ANK2: variants seen among roughly 807,000 people sequenced by gnomAD.
ANK2 encodes the protein ankyrin 2, also known as ankyrin-2.
A neutral mutation model predicts 360.5 loss-of-function variants in ANK2; 83 were observed. The observed-to-expected ratio is 0.23, with a 90% CI of 0.19 to 0.28. The LOEUF is 0.28. Among genes scored for constraint, ANK2 ranks in the 10% least tolerant of loss-of-function variants. ANK2 has a pLI of 1.00. For synonymous variants in ANK2, 1,740 were observed against 1,759.5 expected (o/e 0.99, Z 0.28); for missense variants, 4,201 against 4,795.7 (o/e 0.88, Z 3.66).
intron 1 of ANK2, among the ~76,000 whole-genome samples, chr4:112,880,083 C>A (rs1370387465): frequency 6.6e-6 from 1 of 152,156 alleles, no homozygotes; most frequent in African/African-American, 2.4e-5. Context: ...CTCACACACA[C>A]ACACACACAT....
chr4:113,127,580 G>T (rs1053639094), intron 1 of ANK2, among the ~76,000 whole-genome samples: 1 of 151,964 alleles, frequency 6.6e-6, no homozygotes, highest in Non-Finnish European at 1.5e-5. Context: ...GTGGACTTGA[G>T]GATAGGTAGG....
At chr4:113,068,375 T>C (rs901283211) in intron 1 of ANK2, among the ~76,000 whole-genome samples, 1 of 152,236 alleles carries the variant, frequency 6.6e-6, no homozygotes, top group Non-Finnish European at 1.5e-5. Context: ...GGAGGATCTT[T>C]AAGCGTATGT....
chr4:113,158,232 C>T (rs2097372604), intron 1 of ANK2, among the ~76,000 whole-genome samples: 1 of 152,272 alleles, frequency 6.6e-6, no homozygotes, highest in Admixed American at 6.5e-5. Context: ...ACATATGAAT[C>T]ATGTAAAAAT....
At chr4:112,765,401 G>A in the ANK2 span, among the ~76,000 whole-genome samples, 2 of 152,026 alleles carry the variant, frequency 1.3e-5, no homozygotes, top group African/African-American at 4.8e-5. Flanking sequence ...GCCTTGTTGA[G>A]AGGGAGAACC....
chr4:113,225,424 AAT>A (rs1299974834), intron 4 of ANK2, among the ~76,000 whole-genome samples: 3 of 152,292 alleles, frequency 2.0e-5, no homozygotes, highest in Non-Finnish European at 2.9e-5. Context: ...GTTGAAAATG[AAT>A]AGTCACATTT....
At position 113,213,958 on chromosome 4, in the gene ANK2, T is replaced by TA. The variant is rs33941226; in HGVS notation, c.384+14849_384+14850insA. On this transcript the variant is annotated intron_variant, in intron 4 of 45. Coordinates refer to ENST00000357077, the MANE Select transcript of ANK2 (RefSeq NM_001148.6). ...ACGACAAAATGCTGTTTTATTTATT[T>TA]TTTTTTTTTATTTTTTTTTTAAGTA... 1,951 of 495,178 alleles carry TA rather than the reference T, an allele frequency of 3.9e-3. 177 individuals are homozygous for TA. In the African/African-American group the frequency reaches 0.039, roughly 10 times the overall value. 30.7% of individuals were successfully genotyped at this position (495,178 alleles called of 1,614,324 possible).
chr4:113,353,969 G>C lies in ANK2; in HGVS notation c.5351G>C (p.Arg1784Pro), dbSNP rs777085522. 15 of 1,613,870 alleles carry C rather than the reference G, an allele frequency of 9.3e-6. No homozygotes were observed. Among genetic ancestry groups the C allele is most frequent in the Non-Finnish European group, 1.3e-5 (15 of 1,179,954 alleles). The change falls in exon 38 of 46, where the codon CGA becomes CCA. Residue 1784 changes from arginine (R) to proline (P), a missense_variant. Coordinates refer to ENST00000357077, the MANE Select transcript of ANK2 (RefSeq NM_001148.6). ...QKRVEDEQKG[R>P]SKLPIRVKGK... ...CGAGTGGAAGATGAACAGAAAGGTC[G>C]AAGCAAGTTGCCCATCAGAGTCAAA...
the ANK2 span, among the ~76,000 whole-genome samples, chr4:112,782,595 G>A: frequency 1.3e-4 from 19 of 151,912 alleles, no homozygotes; most frequent in Non-Finnish European, 2.4e-4. Flanking sequence ...GGCTGGGCTC[G>A]GTGGCTCACG....
chr4:113,360,622 C>T (rs1022329888), intron 38 of ANK2, among the ~76,000 whole-genome samples: 1 of 152,092 alleles, frequency 6.6e-6, no homozygotes, highest in African/African-American at 2.4e-5. Flanking sequence ...GATATGGAAG[C>T]AGATGGTTTT....
chr4:113,340,509 A>G (rs1385708929), intron 32 of ANK2, among the ~76,000 whole-genome samples: 2 of 152,152 alleles, frequency 1.3e-5, no homozygotes, highest in Non-Finnish European at 2.9e-5. Flanking sequence ...CTTGGGCAAC[A>G]TGGTGAAACC....
rs145504857 is a variant in ANK2, at chr4:113,250,642, T to A, written c.990+780T>A. The stretch of plus-strand genomic sequence containing the variant: ...TTGAGACACGAATTGGAGATACTCA[T>A]ACAGAGCTGATTAATGTGATATGCA... On this transcript the variant is annotated intron_variant, in intron 10 of 45. Transcript: ENST00000357077. 3.0e-4 allele frequency among the ~76,000 whole-genome samples: 45 copies of A among 151,918 alleles called. 1 individual carries two copies. In the East Asian group the frequency reaches 8.7e-3, roughly 29 times the overall value.
upstream of ANK2, among the ~76,000 whole-genome samples, chr4:112,815,572 T>G (rs529885320): frequency 5.3e-5 from 8 of 152,326 alleles, no homozygotes; most frequent in African/African-American, 1.9e-4. Context: ...GGGCCTGCCC[T>G]AGATAGCTTC....
At chr4:113,174,688 A>G (rs781246712) in intron 2 of ANK2, among the ~76,000 whole-genome samples, 171 bp downstream of exon 2, 14 of 152,344 alleles carry the variant, frequency 9.2e-5, no homozygotes, top group Non-Finnish European at 2.1e-4. Flanking sequence ...AGATGTTTGT[A>G]TCTAGAGCTA....
At chr4:113,379,183 T>G (rs1393568176) in intron 45 of ANK2, among the ~76,000 whole-genome samples, 1 of 152,158 alleles carries the variant, frequency 6.6e-6, no homozygotes, top group African/African-American at 2.4e-5. Flanking sequence ...TAAAATGCCT[T>G]TTATACTCTC....
chr4:113,007,210 G>C (rs2053194378), intron 2 of ANK2, among the ~76,000 whole-genome samples: 1 of 152,154 alleles, frequency 6.6e-6, no homozygotes, highest in African/African-American at 2.4e-5. Context: ...CCCGATTTGA[G>C]TATTTTGTGC....
the ANK2 span, among the ~76,000 whole-genome samples, chr4:112,799,822 T>A: frequency 1.1e-5 from 1 of 91,690 alleles, no homozygotes; most frequent in Non-Finnish European, 2.0e-5. Flanking sequence ...CCAGCCCACC[T>A]CTTTTTTTTT....
At chr4:113,054,506 G>A (rs1298705705) in intron 1 of ANK2, among the ~76,000 whole-genome samples, 2 of 152,162 alleles carry the variant, frequency 1.3e-5, no homozygotes, top group Non-Finnish European at 2.9e-5. Flanking sequence ...AGTGAAATCA[G>A]GTAGTAGATC....
At position 113,249,816 on chromosome 4, in the gene ANK2, T is replaced by C; in HGVS notation, c.944T>C (p.Val315Ala). ...GCACGAAGTGGGCATGACCAAGTGG[T>C]GGAACTTCTGTTGGAACGGGGTGCC... ...CAARSGHDQV[V>A]ELLLERGAPL... is the part of the protein sequence containing the mutation. Residue 315 changes from valine (V) to alanine (A), a missense_variant, in exon 10 of 46, where the codon GTG becomes GCG. Transcript: ENST00000357077. 6.2e-7 allele frequency: 1 copy of C among 1,614,204 alleles called. No homozygotes were observed.
At chr4:112,753,585 G>A in the ANK2 span, among the ~76,000 whole-genome samples, 3 of 152,094 alleles carry the variant, frequency 2.0e-5, no homozygotes, top group African/African-American at 4.8e-5. Context: ...CACAAGATAC[G>A]GGTCATAAAG....
Sources: allele counts gnomAD v4.1 joint callset (sites outside exome capture counted in the v4.1 genomes callset), GRCh38; gene constraint gnomAD v4.1.1; transcripts MANE v1.5; gene names NCBI Gene and HGNC (gene_info 2026-07-23, HGNC 2026-07-21).